PCLO: variants seen among roughly 807,000 people sequenced by gnomAD.
PCLO encodes piccolo presynaptic cytomatrix protein, also known as protein piccolo.
PCLO carries 82 observed loss-of-function variants against 427.5 expected under a neutral mutation model. The observed-to-expected ratio is 0.19, with a 90% CI of 0.16 to 0.23. PCLO has a LOEUF of 0.23. Among genes scored for constraint, PCLO ranks in the 10% least tolerant of loss-of-function variants. PCLO has a pLI of 1.00. For missense variants in PCLO, 6,239 were observed against 6,115.9 expected (o/e 1.02, Z -0.67); for synonymous variants, 2,357 against 2,155.4 (o/e 1.09, Z -2.59).
At chr7:83,057,820 T>C (rs1259342663) in intron 3 of PCLO, among the ~76,000 whole-genome samples, 1 of 152,080 alleles carries the variant, frequency 6.6e-6, no homozygotes, top group Non-Finnish European at 1.5e-5. Context: ...TGCTTTCTTA[T>C]AATTCAACTC....
intron 3 of PCLO, among the ~76,000 whole-genome samples, chr7:83,119,373 C>T (rs992111428): frequency 6.6e-6 from 1 of 152,122 alleles, no homozygotes; most frequent in Non-Finnish European, 1.5e-5. Flanking sequence ...GAGACTCTGA[C>T]TGGTATTGTA....
At chr7:83,048,350 T>C (rs1042193806) in intron 3 of PCLO, among the ~76,000 whole-genome samples, 3 of 152,078 alleles carry the variant, frequency 2.0e-5, no homozygotes, top group African/African-American at 7.2e-5. Context: ...GTAAAGACAG[T>C]ACTTTGAAGG....
rs775873357 is a variant in PCLO at position 82,915,423 on chromosome 7, T to C, written c.12563A>G (p.Gln4188Arg). ...AATTAGTGATTTCTTATGCTTTGAC[T>C]GCTTTTGATAAAGTATGGCTGCTGG... ...QLPAAILYQK[Q>R]SKHKKSLIDP... Residue 4188 changes from glutamine (Q) to arginine (R), a missense_variant, in exon 7 of 25, where the codon CAG (glutamine) becomes CGG (arginine). By Grantham distance (43) the Gln-to-Arg change is conservative. Around this residue, in one of 5 missense-constraint regions of PCLO, gnomAD observed 680 missense variants for 677.3 expected, o/e 1.00. Coordinates refer to ENST00000333891, the MANE Select transcript of PCLO (RefSeq NM_033026.6). 1 of 1,613,700 alleles carries C rather than the reference T, an allele frequency of 6.2e-7. No individual in the cohort carries two copies. Among genetic ancestry groups the C allele is most frequent in the South Asian group, 1.1e-5 (1 of 91,076 alleles).
intron 22 of PCLO, among the ~76,000 whole-genome samples, chr7:82,793,569 G>T (rs897346572): frequency 6.6e-6 from 1 of 152,084 alleles, no homozygotes; most frequent in Non-Finnish European, 1.5e-5. Context: ...TCTGTGGAGG[G>T]CCAATTTTTT....
At chr7:83,082,804 A>C (rs572607149) in intron 3 of PCLO, among the ~76,000 whole-genome samples, 1 of 151,790 alleles carries the variant, frequency 6.6e-6, no homozygotes, top group Non-Finnish European at 1.5e-5. Context: ...AAAATAAAAA[A>C]TATCTGAAAA....
At chr7:82,891,804 T>C (rs1485469122) in intron 9 of PCLO, among the ~76,000 whole-genome samples, 4 of 152,128 alleles carry the variant, frequency 2.6e-5, no homozygotes, top group South Asian at 4.1e-4. Context: ...CATGTGGTTT[T>C]TGTCGTTGGT....
intron 2 of PCLO, among the ~76,000 whole-genome samples, chr7:83,139,172 T>G (rs540751405): frequency 6.6e-6 from 1 of 152,052 alleles, no homozygotes; most frequent in Non-Finnish European, 1.5e-5. Context: ...AGAAATAAAT[T>G]TAAACCTTCA....
intron 3 of PCLO, among the ~76,000 whole-genome samples, chr7:83,001,943 G>A (rs1487973813): frequency 6.6e-6 from 1 of 151,964 alleles, no homozygotes; most frequent in African/African-American, 2.4e-5. Flanking sequence ...ACTCATGGGA[G>A]CATGTTACTA....
intron 22 of PCLO, among the ~76,000 whole-genome samples, chr7:82,797,506 G>A (rs893707271): frequency 1.3e-5 from 2 of 152,102 alleles, no homozygotes; most frequent in Non-Finnish European, 2.9e-5. Context: ...AAAAGTGGTC[G>A]TGTATAGCTC....
intron 3 of PCLO, among the ~76,000 whole-genome samples, chr7:83,111,485 T>G (rs1791000865): frequency 2.0e-5 from 3 of 152,348 alleles, no homozygotes; most frequent in African/African-American, 7.2e-5. Context: ...AAGGATCTTA[T>G]GTGACAGAAA....
chr7:82,906,949 G>A (rs1245302677), intron 8 of PCLO, among the ~76,000 whole-genome samples: 2 of 151,852 alleles, frequency 1.3e-5, no homozygotes, highest in African/African-American at 2.4e-5. Flanking sequence ...TCAAAAATAT[G>A]TTCTCTGCTT....
At chr7:82,947,093 A>G (rs574668869) in intron 6 of PCLO, among the ~76,000 whole-genome samples, 1 of 152,098 alleles carries the variant, frequency 6.6e-6, no homozygotes, top group African/African-American at 2.4e-5. Context: ...TCAATCTGAA[A>G]CTTTGTCCAT....
chr7:82,967,301 G>A (rs1171378339), intron 3 of PCLO, among the ~76,000 whole-genome samples: 3 of 146,750 alleles, frequency 2.0e-5, no homozygotes, highest in Non-Finnish European at 4.5e-5. Context: ...TCAGCCTCCT[G>A]AGTACCTGGG....
chr7:83,095,187 G>C (rs1790501410), intron 3 of PCLO, among the ~76,000 whole-genome samples: 1 of 151,904 alleles, frequency 6.6e-6, no homozygotes, highest in South Asian at 2.1e-4. Context: ...GTGAATTACG[G>C]GAGTTTGTGT....
intron 6 of PCLO, among the ~76,000 whole-genome samples, chr7:82,919,829 T>C (rs923837063): frequency 9.9e-5 from 15 of 151,994 alleles, no homozygotes; most frequent in Admixed American, 2.0e-4. Flanking sequence ...CTAAAATACA[T>C]AACTATTCAA....
intron 22 of PCLO, among the ~76,000 whole-genome samples, chr7:82,765,657 A>G (rs1790517925): frequency 6.6e-6 from 1 of 152,030 alleles, no homozygotes; most frequent in African/African-American, 2.4e-5. Context: ...CATTTTGTTT[A>G]TACATTCTTG....
chr7:82,788,254 A>G (rs1373272271), intron 22 of PCLO, among the ~76,000 whole-genome samples: 3 of 147,742 alleles, frequency 2.0e-5, no homozygotes, highest in Non-Finnish European at 4.5e-5. Flanking sequence ...TATAATTAAT[A>G]ATTTATATTA....
chr7:82,852,917 A>C (rs1400339462), intron 10 of PCLO, among the ~76,000 whole-genome samples: 1 of 152,044 alleles, frequency 6.6e-6, no homozygotes, highest in Non-Finnish European at 1.5e-5. Context: ...TTTATTCTCC[A>C]TCTGTATGAG....
chr7:82,804,105 A>G (rs967962533), intron 21 of PCLO, among the ~76,000 whole-genome samples: 4 of 152,198 alleles, frequency 2.6e-5, no homozygotes, highest in Non-Finnish European at 4.4e-5. Flanking sequence ...ACCTTTCTAA[A>G]TTCACATGAC....
Sources: gnomAD v4.1 joint callset for allele counts (sites outside exome capture counted in the v4.1 genomes callset) on GRCh38, gnomAD v4.1.1 for gene constraint, gnomAD v4.1.1 regional missense constraint, MANE v1.5 for transcripts, NCBI Gene and HGNC (gene_info 2026-07-23, HGNC 2026-07-21) for gene names.